The following PKHD1L1 variants were observed in gnomAD, a reference collection of about 807,000 sequenced individuals.
PKHD1L1 encodes the protein fibrocystin-L.
Under a neutral mutation model 462.9 loss-of-function variants are expected in PKHD1L1, and 434 were observed. The ratio of observed to expected loss-of-function variants is 0.94; its 90% CI spans 0.87 to 1.02. PKHD1L1 has a LOEUF of 1.02. Ranked by LOEUF, PKHD1L1 falls within the 50% of genes least tolerant of loss-of-function variation. PKHD1L1 has a pLI of 0.00. For missense variants in PKHD1L1, 5,202 were observed against 5,096.1 expected, an observed-to-expected ratio of 1.02 and a Z score of -0.63; for synonymous variants, 1,781 against 1,750.0, an observed-to-expected ratio of 1.02 and a Z score of -0.44.
At chr8:109,477,424 C>A (rs181570500) in intron 53 of PKHD1L1, 28 bp downstream of exon 53, 1 of 1,560,960 alleles carries the variant, frequency 6.4e-7, no homozygotes, top group Non-Finnish European at 8.8e-7. Flanking sequence ...AGTTGATACC[C>A]TTCAATATCT....
In PKHD1L1 at chr8:109,445,249, A is replaced by G; in HGVS notation, c.5380A>G (p.Asn1794Asp). 2.5e-6 allele frequency: 4 copies of G among 1,614,014 alleles called. No homozygotes were observed. Among genetic ancestry groups the G allele is most frequent in the South Asian group, 1.1e-5 (1 of 91,080 alleles). ...TCAACAGTTCAGAGCAATAGAGGTT[A>G]ATGAAAACAACATCACTGCTCTTGT... ...GNQQFRAIEVNENNITALVTP... is the reference protein window; with the variant it reads ...GNQQFRAIEVDENNITALVTP... Residue 1794 changes from asparagine to aspartate, a missense_variant, in exon 38 of 78, where the codon AAT becomes GAT. Physicochemically the swap from Asn to Asp is conservative, Grantham distance 23. This residue lies in a region of PKHD1L1 where 4,497 missense variants were observed against 4,336.8 expected (regional missense o/e 1.04). Coordinates refer to ENST00000378402, the MANE Select transcript of PKHD1L1 (RefSeq NM_177531.6).
At chr8:109,373,862 C>T (rs577407291) in intron 2 of PKHD1L1, among the ~76,000 whole-genome samples, 1 of 152,190 alleles carries the variant, frequency 6.6e-6, no homozygotes, top group South Asian at 2.1e-4. Context: ...GCAGTGTGGT[C>T]TGAGACAGTT....
chr8:109,514,249 C>T (rs1183812712), intron 71 of PKHD1L1, among the ~76,000 whole-genome samples: 1 of 152,148 alleles, frequency 6.6e-6, no homozygotes, highest in Non-Finnish European at 1.5e-5. Context: ...CAATAGGCCT[C>T]CAAGATCACG....
At chr8:109,492,424 A>G (rs894856847) in intron 62 of PKHD1L1, among the ~76,000 whole-genome samples, 3 of 151,890 alleles carry the variant, frequency 2.0e-5, no homozygotes, top group African/African-American at 7.2e-5. Context: ...TTCAATTACT[A>G]TAGGTGTTTG....
chr8:109,521,203 C>A (rs749879142), intron 73 of PKHD1L1, among the ~76,000 whole-genome samples: 7 of 152,112 alleles, frequency 4.6e-5, no homozygotes, highest in Admixed American at 6.6e-5. Context: ...CAAGACGTTA[C>A]CTCCTTCTTC....
At chr8:109,481,390 C>G (rs1398400053) in intron 55 of PKHD1L1, 43 bp from the exon 56 acceptor site, 9 of 1,495,784 alleles carry the variant, frequency 6.0e-6, no homozygotes, top group Non-Finnish European at 7.1e-6. Context: ...ATTTTTTTTC[C>G]TGGTCAATTT....
In PKHD1L1 at chr8:109,429,955, TC is replaced by T. The variant is rs1282215015; in HGVS notation, c.3149del (p.Pro1050GlnfsTer19). ...AGGTTGAAGTCTATGTCAATGGAAT[TC>T]CAGCTAAATGTTCAGGTGACTGTGG... ...PQVEVYVNGI[P>X]AKCSGDCGFT... On this transcript the variant is annotated frameshift_variant, in exon 27 of 78. Coordinates refer to ENST00000378402, the MANE Select transcript of PKHD1L1 (RefSeq NM_177531.6). LOFTEE classifies it high-confidence loss of function. The T allele has an allele frequency of 6.2e-7, 1 of 1,612,450 alleles. No homozygotes were observed. Among genetic ancestry groups the T allele is most frequent in the African/African-American group, 1.3e-5 (1 of 74,946 alleles).
At position 109,510,923 on chromosome 8, in the gene PKHD1L1, G is replaced by A; in HGVS notation, c.11542G>A (p.Asp3848Asn). Residue 3848 changes from aspartate to asparagine, a missense_variant, in exon 71 of 78, where the codon GAT becomes AAT. This residue lies in a region of PKHD1L1 where 698 missense variants were observed against 736.3 expected (regional missense o/e 0.95). Transcript: ENST00000378402. ...TCTTCGACTGATGTTGCTTAATGTT[G>A]ATCATAACAAGGTAGGGCAAGATGT... ...QNLRLMLLNVDHNKAVLVGIF... is the reference protein window; with the variant it reads ...QNLRLMLLNVNHNKAVLVGIF... 1 of 1,612,484 alleles carries A rather than the reference G, an allele frequency of 6.2e-7. No individual in the cohort carries two copies.
chr8:109,527,615 G>A (rs912002529), intron 77 of PKHD1L1, among the ~76,000 whole-genome samples: 3 of 152,196 alleles, frequency 2.0e-5, no homozygotes, highest in Non-Finnish European at 4.4e-5. Context: ...AGCTTGAATT[G>A]ATCTAGCTAG....
chr8:109,471,541 A>G (rs1266153136), intron 50 of PKHD1L1, among the ~76,000 whole-genome samples: 2 of 152,140 alleles, frequency 1.3e-5, no homozygotes, highest in African/African-American at 4.8e-5. Context: ...TACTGTACAC[A>G]TTTCTTAAAA....
At chr8:109,406,569 C>G (rs1461415352) in intron 17 of PKHD1L1, 91 bp downstream of exon 17, 1 of 1,334,004 alleles carries the variant, frequency 7.5e-7, no homozygotes, top group Non-Finnish European at 9.9e-7. Flanking sequence ...GAGAAAAAGA[C>G]TTGGTTAATC....
chr8:109,522,301 T>C lies in PKHD1L1; in HGVS notation c.12147T>C (p.Asn4049=), dbSNP rs1396169486. The C allele has an allele frequency of 6.2e-7, 1 of 1,607,792 alleles. No individual in the cohort carries two copies. Among genetic ancestry groups the C allele is most frequent in the Admixed American group, 1.7e-5 (1 of 58,858 alleles). Residue 4049 remains asparagine, a synonymous_variant, in exon 74 of 78, where the codon AAT becomes AAC. Transcript: ENST00000378402. Reference sequence around the variant, plus strand: ...ACATTTCGTCCATGTCTATTACTAATCCCCTCCCCAGCCCAAGTGACTCTG... The same window carrying C: ...ACATTTCGTCCATGTCTATTACTAACCCCCTCCCCAGCCCAAGTGACTCTG... The part of the protein sequence containing the change: ...GFNISSMSIT[N]PLPSPSDSGW...
In PKHD1L1 at chr8:109,445,101, A is replaced by T; in HGVS notation, c.5232A>T (p.Leu1744Phe). The T allele has an allele frequency of 6.2e-7, 1 of 1,614,014 alleles. No homozygotes were observed. The highest frequency in any genetic ancestry group is 8.5e-7 in the Non-Finnish European group (1 of 1,179,900). Reference sequence around the variant, plus strand: ...AGGGAAACTGCACCTTTTCATACTTAGAAAGCATCACTCCTTACATAACAG... The same window carrying T: ...AGGGAAACTGCACCTTTTCATACTTTGAAAGCATCACTCCTTACATAACAG... ...QCQGNCTFSY[L>F]ESITPYITGV... The change falls in exon 38 of 78, where the codon TTA becomes TTT. Residue 1744 changes from leucine (L) to phenylalanine (F), a missense_variant. Transcript: ENST00000378402.
rs373829239 is a variant in PKHD1L1, at chr8:109,485,223, T to G, written c.9706+50T>G. ...TAGATATATAATTGTGTTGAAAGAT[T>G]CACATTTACTCTGTAATTATAATTC... On this transcript the variant is annotated intron_variant, in intron 58 of 77. Coordinates refer to ENST00000378402, the MANE Select transcript of PKHD1L1 (RefSeq NM_177531.6). 4.9e-5 allele frequency: 67 copies of G among 1,356,214 alleles called. No homozygotes were observed. The African/African-American group carries it at 8.9e-4, about 18-fold the overall frequency. 84.0% of individuals were successfully genotyped at this position (1,356,214 alleles called of 1,614,324 possible).
chr8:109,516,452 G>A (rs1001550423), intron 72 of PKHD1L1, among the ~76,000 whole-genome samples: 2 of 152,066 alleles, frequency 1.3e-5, no homozygotes, highest in African/African-American at 4.8e-5. Context: ...ATTCCATCAT[G>A]AGGTCTCCCC....
In PKHD1L1 at chr8:109,497,183, C is replaced by T. The variant is rs1254645280; in HGVS notation, c.10510C>T (p.Leu3504=). 2 of 1,613,550 alleles carry T rather than the reference C, an allele frequency of 1.2e-6. No homozygotes were observed. Among genetic ancestry groups the T allele is most frequent in the East Asian group, 4.5e-5 (2 of 44,878 alleles). ...TESVHIYNVT[L]VDNGMAIFPM... is the part of the protein sequence containing the mutation. ...GAGTGTGCACATTTATAATGTGACC[C>T]TGGTTGACAATGGAATGGCCATTTT... Residue 3504 remains leucine, a synonymous_variant, in exon 65 of 78, where the codon CTG becomes TTG. Coordinates refer to ENST00000378402, the MANE Select transcript of PKHD1L1 (RefSeq NM_177531.6).
chr8:109,433,221 G>A lies in PKHD1L1; in HGVS notation c.3340+5G>A. 2 of 1,594,838 alleles carry A rather than the reference G, an allele frequency of 1.3e-6. No individual in the cohort carries two copies. The highest frequency in any genetic ancestry group is 1.7e-4 in the Middle Eastern group (1 of 6,012). Reference sequence around the variant, plus strand: ...GTTCTCTTCTTTCTGTGGATGGTAGGTCCTTTTAAAAACTATTAAGTCTAA... The same window carrying A: ...GTTCTCTTCTTTCTGTGGATGGTAGATCCTTTTAAAAACTATTAAGTCTAA... On this transcript the variant is annotated splice_donor_5th_base_variant and intron_variant, in intron 28 of 77. Coordinates refer to ENST00000378402, the MANE Select transcript of PKHD1L1 (RefSeq NM_177531.6).
chr8:109,477,756 A>T (rs1310187035), intron 53 of PKHD1L1, among the ~76,000 whole-genome samples: 1 of 152,224 alleles, frequency 6.6e-6, no homozygotes, highest in Non-Finnish European at 1.5e-5. Context: ...GTACAGCACC[A>T]GAAACTAAGT....
intron 2 of PKHD1L1, among the ~76,000 whole-genome samples, chr8:109,379,527 G>T (rs1241370357): frequency 6.6e-6 from 1 of 152,166 alleles, no homozygotes; most frequent in Non-Finnish European, 1.5e-5. Context: ...AACATCCTGT[G>T]GGGTGGGACC....
Sources: gnomAD v4.1 joint callset for allele counts (sites outside exome capture counted in the v4.1 genomes callset) on GRCh38, gnomAD v4.1.1 for gene constraint, gnomAD v4.1.1 regional missense constraint, MANE v1.5 for transcripts, NCBI Gene and HGNC (gene_info 2026-07-23, HGNC 2026-07-21) for gene names.